The following ASTN2 variants were observed in gnomAD, a reference collection of about 807,000 sequenced individuals.
ASTN2 encodes astrotactin 2.
A neutral mutation model predicts 139.8 loss-of-function variants in ASTN2; 54 were observed. That is an observed-to-expected ratio of 0.39 (90% CI 0.31 to 0.48). ASTN2 has a LOEUF of 0.48. ASTN2 is among the 20% of genes least tolerant of loss of function. ASTN2 has a pLI of 0.95. For synonymous variants in ASTN2, 756 were observed against 719.5 expected (o/e 1.05, Z -0.81); for missense variants, 1,565 against 1,725.1 (o/e 0.91, Z 1.64).
intron 15 of ASTN2, among the ~76,000 whole-genome samples, chr9:116,727,344 AAAGTAAAATGT>A (rs1828657387): frequency 6.6e-6 from 1 of 152,220 alleles, no homozygotes; most frequent in Admixed American, 6.5e-5. Context: ...GTGCCACATC[AAAGTAAAATGT>A]AAAAGAACAA....
rs746544399 is a variant in ASTN2, at chr9:117,192,285, T to C, written c.1015+22073A>G. Among the ~76,000 whole-genome samples, 8 of 152,010 alleles carry C rather than the reference T, an allele frequency of 5.3e-5. No individual in the cohort carries two copies. The South Asian group carries it at 1.2e-3, about 24-fold the overall frequency. ...AAAAAGCCGCAGAGGCAGGGTCTGG[T>C]CCAGGATGGCCTTGTGAACTCCACC... is the stretch of plus-strand genomic sequence containing the variant. On this transcript the variant is annotated intron_variant, in intron 3 of 22. Coordinates refer to ENST00000313400, the MANE Select transcript of ASTN2 (RefSeq NM_001365068.1).
rs185906906 is a variant in ASTN2, at chr9:117,268,004, A to G, written c.630+23322T>C. ...CCAATCATTGCATTTCATTTGATGA[A>G]TGTGTTTCATTTGATAAATAGTTTC... is the stretch of plus-strand genomic sequence containing the variant. On this transcript the variant is annotated intron_variant, in intron 2 of 22. Transcript: ENST00000313400. Among the ~76,000 whole-genome samples, 4 of 152,310 alleles carry G rather than the reference A, an allele frequency of 2.6e-5. No individual in the cohort carries two copies. In the East Asian group the frequency reaches 7.7e-4, roughly 29 times the overall value.
intron 10 of ASTN2, among the ~76,000 whole-genome samples, chr9:116,890,378 C>T (rs2132387154): frequency 6.6e-6 from 1 of 152,304 alleles, no homozygotes; most frequent in East Asian, 1.9e-4. Context: ...TTTCAAATTG[C>T]TAGCAATAGC....
chr9:117,191,227 C>CAAAAA (rs35328157), intron 3 of ASTN2, among the ~76,000 whole-genome samples: 1 of 62,484 alleles, frequency 1.6e-5, no homozygotes, highest in Non-Finnish European at 3.4e-5. Flanking sequence ...TACAAAATAG[C>CAAAAA]AAAAAAAAAA....
chr9:116,885,423 T>C (rs990887186), intron 10 of ASTN2, among the ~76,000 whole-genome samples: 3 of 152,148 alleles, frequency 2.0e-5, no homozygotes, highest in African/African-American at 2.4e-5. Context: ...CCCAGCACTT[T>C]GGGAAGCTGA....
intron 2 of ASTN2, among the ~76,000 whole-genome samples, chr9:117,288,900 A>G (rs1834515144): frequency 6.6e-6 from 1 of 152,250 alleles, no homozygotes; most frequent in Non-Finnish European, 1.5e-5. Flanking sequence ...TATTAACAAA[A>G]GCAAATACCC....
chr9:116,432,457 T>C (rs948127745), intron 22 of ASTN2, among the ~76,000 whole-genome samples: 8 of 152,202 alleles, frequency 5.3e-5, no homozygotes, highest in African/African-American at 1.9e-4. Flanking sequence ...CTTGCAACTA[T>C]GGACAGTTTA....
intron 13 of ASTN2, among the ~76,000 whole-genome samples, chr9:116,755,079 G>A (rs1021072509): frequency 6.6e-6 from 1 of 152,128 alleles, no homozygotes; most frequent in African/African-American, 2.4e-5. Flanking sequence ...CACCAACTCC[G>A]GCTTCTAATT....
chr9:116,599,439 T>C (rs574561951), intron 19 of ASTN2, among the ~76,000 whole-genome samples: 3 of 152,352 alleles, frequency 2.0e-5, no homozygotes, highest in Admixed American at 2.0e-4. Flanking sequence ...TGAATGATTA[T>C]TGGCTATCAT....
At chr9:117,287,992 C>G (rs1452983674) in intron 2 of ASTN2, among the ~76,000 whole-genome samples, 1 of 152,132 alleles carries the variant, frequency 6.6e-6, no homozygotes, top group African/African-American at 2.4e-5. Flanking sequence ...AGGGATGTGC[C>G]TAACGTAAAA....
intron 1 of ASTN2, among the ~76,000 whole-genome samples, chr9:117,409,730 G>A (rs1323909160): frequency 1.3e-5 from 2 of 152,114 alleles, no homozygotes; most frequent in Non-Finnish European, 1.5e-5. Context: ...CAAACTCCTG[G>A]GCATAAGTGA....
chr9:116,590,497 C>T (rs1256068818), intron 19 of ASTN2, among the ~76,000 whole-genome samples: 1 of 152,220 alleles, frequency 6.6e-6, no homozygotes, highest in African/African-American at 2.4e-5. Context: ...GGCCAGCAGG[C>T]ACCCCTCAGT....
intron 19 of ASTN2, among the ~76,000 whole-genome samples, chr9:116,610,603 C>CA (rs1393670518): frequency 6.7e-6 from 1 of 149,818 alleles, no homozygotes; most frequent in Non-Finnish European, 1.5e-5. Flanking sequence ...AATTCTGCCT[C>CA]AAAAAACAAA....
chr9:116,696,718 A>ATATC (rs1860872883), intron 16 of ASTN2, among the ~76,000 whole-genome samples: 1 of 152,172 alleles, frequency 6.6e-6, no homozygotes, highest in Non-Finnish European at 1.5e-5. Flanking sequence ...TAAAGTTTGA[A>ATATC]TATCTGAAGA....
At chr9:116,720,035 A>C (rs1828428631) in intron 16 of ASTN2, among the ~76,000 whole-genome samples, 1 of 152,158 alleles carries the variant, frequency 6.6e-6, no homozygotes, top group Non-Finnish European at 1.5e-5. Context: ...GGGAAACTGA[A>C]GGCTCTGGAG....
intron 3 of ASTN2, among the ~76,000 whole-genome samples, chr9:117,167,650 A>G (rs115849462): frequency 1.8e-3 from 280 of 152,254 alleles, no homozygotes; most frequent in African/African-American, 6.3e-3. Flanking sequence ...GGGAAAAAAA[A>G]TATCTATTTA....
At chr9:117,401,594 T>C (rs1166943095) in intron 1 of ASTN2, among the ~76,000 whole-genome samples, 3 of 152,188 alleles carry the variant, frequency 2.0e-5, no homozygotes, top group African/African-American at 7.2e-5. Flanking sequence ...CTGGCTACTG[T>C]GTAGAGCAGA....
intron 1 of ASTN2, among the ~76,000 whole-genome samples, chr9:117,338,178 T>G (rs2130860219): frequency 6.6e-6 from 1 of 152,312 alleles, no homozygotes; most frequent in South Asian, 2.1e-4. Context: ...TCTACTAGTC[T>G]TCTATGCAGC....
At position 116,918,770 on chromosome 9, in the gene ASTN2, G is replaced by C. The variant is rs576620727; in HGVS notation, c.1890-55037C>G. On this transcript the variant is annotated intron_variant, in intron 10 of 22. Coordinates refer to ENST00000313400, the MANE Select transcript of ASTN2 (RefSeq NM_001365068.1). ...CATGCTTAGGTTTAATAGGAAGCTG[G>C]TGCAGAGTTGTATAGACATATGATT... Among the ~76,000 whole-genome samples, 8 of 152,246 alleles carry C rather than the reference G, an allele frequency of 5.3e-5. No homozygotes were observed. The South Asian group carries it at 1.7e-3, about 32-fold the overall frequency.
Sources: allele counts gnomAD v4.1 joint callset (sites outside exome capture counted in the v4.1 genomes callset), GRCh38; gene constraint gnomAD v4.1.1; transcripts MANE v1.5; gene names NCBI Gene and HGNC (gene_info 2026-07-23, HGNC 2026-07-21).